Variants in HSPA12A observed in about 807,000 individuals in gnomAD.
HSPA12A encodes heat shock 70 kDa protein 12A.
A neutral mutation model predicts 69.2 loss-of-function variants in HSPA12A; 28 were observed. The ratio of observed to expected loss-of-function variants is 0.40; its 90% CI spans 0.30 to 0.55. HSPA12A has a LOEUF of 0.55. Among genes scored for constraint, HSPA12A ranks in the 20% least tolerant of loss-of-function variants. The pLI, the probability that HSPA12A is intolerant of heterozygous loss-of-function variation, is 0.38. For synonymous variants in HSPA12A, 345 were observed against 370.5 expected, an observed-to-expected ratio of 0.93 and a Z score of 0.79; for missense variants, 686 against 900.7, an observed-to-expected ratio of 0.76 and a Z score of 3.05.
chr10:116,675,125 G>A lies in HSPA12A; in HGVS notation c.1684C>T (p.Arg562Trp), dbSNP rs187495430. The A allele has an allele frequency of 1.6e-4, 264 of 1,613,968 alleles. No individual in the cohort carries two copies. The highest frequency in any genetic ancestry group is 5.0e-4 in the Admixed American group (30 of 60,026). Reference protein sequence around the residue: ...PEKLLVKDGTRWCTDVFDKFI... With the variant: ...PEKLLVKDGTWWCTDVFDKFI... ...TTGTCAAAGACGTCGGTGCACCACC[G>A]AGTGCCATCCTTCACCAGCAGCTTC... The change falls in exon 12 of 12, where the codon CGG becomes TGG. Residue 562 changes from arginine to tryptophan, a missense_variant. Coordinates refer to ENST00000369209, the MANE Select transcript of HSPA12A (RefSeq NM_025015.3). The surrounding 1 kb of genome is among the most constrained non-coding windows in gnomAD (Gnocchi z 5.2).
At chr10:116,782,731 G>A (rs1030459036) in intron 2 of HSPA12A, among the ~76,000 whole-genome samples, 8 of 152,174 alleles carry the variant, frequency 5.3e-5, no homozygotes, top group African/African-American at 1.9e-4. Flanking sequence ...ATGCTATTCA[G>A]GGTAGGGGCT....
intron 1 of HSPA12A, among the ~76,000 whole-genome samples, chr10:116,838,455 A>G (rs1476183596): frequency 1.3e-5 from 2 of 152,168 alleles, no homozygotes; most frequent in Non-Finnish European, 2.9e-5. Context: ...TGAAGTGGAG[A>G]AAAACAAGCC....
At chr10:116,705,040 A>G in intron 3 of HSPA12A, 111 bp downstream of exon 3, 2 of 1,343,186 alleles carry the variant, frequency 1.5e-6, no homozygotes, top group Non-Finnish European at 2.0e-6. Flanking sequence ...CCAAGCTGGA[A>G]CAGAATCCAG....
intron 6 of HSPA12A, 100 bp from the exon 7 acceptor site, chr10:116,684,062 GT>G: frequency 2.0e-6 from 2 of 982,432 alleles, no homozygotes; most frequent in Non-Finnish European, 2.9e-6. Context: ...GGGCGCACTC[GT>G]GCTCTGCATC....
chr10:116,797,654 A>T lies in HSPA12A; in HGVS notation c.91+37281T>A, dbSNP rs1313653187. 3.3e-5 allele frequency among the ~76,000 whole-genome samples: 5 copies of T among 152,202 alleles called. No homozygotes were observed. The East Asian group carries it at 9.7e-4, about 29-fold the overall frequency. ...GAAGAAACCAAAGAAGCTGTTTAGT[A>T]GATGAAGGGACAGAAGCCCCTGTTT... On this transcript the variant is annotated intron_variant, in intron 2 of 12. Coordinates refer to the HSPA12A transcript ENST00000635765.
At chr10:116,835,005 C>T (rs931630327) in exon 2 of HSPA12A, 14 of 1,231,236 alleles carry the variant, frequency 1.1e-5, no homozygotes, top group Non-Finnish European at 1.3e-5. Flanking sequence ...AGAATCCGTA[C>T]ACGCCAACAC....
intron 6 of HSPA12A, among the ~76,000 whole-genome samples, chr10:116,691,145 G>A (rs1487838000): frequency 6.6e-6 from 1 of 152,122 alleles, no homozygotes; most frequent in Non-Finnish European, 1.5e-5. Flanking sequence ...ATCTATTTTT[G>A]GCAGGTACAT....
At chr10:116,825,670 G>A (rs1347613365) in intron 2 of HSPA12A, among the ~76,000 whole-genome samples, 1 of 152,150 alleles carries the variant, frequency 6.6e-6, no homozygotes, top group Non-Finnish European at 1.5e-5. Flanking sequence ...GTGACCAAAA[G>A]CAACTAATGG....
chr10:116,689,499 G>A (rs782492382), intron 6 of HSPA12A, among the ~76,000 whole-genome samples: 7 of 152,058 alleles, frequency 4.6e-5, no homozygotes, highest in Admixed American at 3.3e-4. Context: ...TCACATACAT[G>A]GGTGCCTGGT....
At chr10:116,678,891 TGATA>T (rs1303696089) in intron 10 of HSPA12A, among the ~76,000 whole-genome samples, 5 of 152,338 alleles carry the variant, frequency 3.3e-5, no homozygotes, top group South Asian at 2.1e-4. Flanking sequence ...TTATGAAATA[TGATA>T]GATAGGTAAA....
chr10:116,848,142 C>T (rs1845930484), intron 1 of HSPA12A, among the ~76,000 whole-genome samples: 1 of 152,250 alleles, frequency 6.6e-6, no homozygotes, highest in African/African-American at 2.4e-5. Context: ...CAGAGCACAT[C>T]CTCTGCCCTT....
chr10:116,690,877 G>C (rs1489255416), intron 6 of HSPA12A, among the ~76,000 whole-genome samples: 5 of 152,106 alleles, frequency 3.3e-5, no homozygotes, highest in African/African-American at 1.2e-4. Context: ...CTTCCTGTGG[G>C]GCTGGGAAAA....
At chr10:116,696,001 T>TAAAAAAAAA (rs1849886972) in intron 5 of HSPA12A, among the ~76,000 whole-genome samples, 2 of 18,718 alleles carry the variant, frequency 1.1e-4, no homozygotes, top group Non-Finnish European at 1.8e-4. Context: ...AGACTCCATC[T>TAAAAAAAAA]CAAAAAAAAA....
chr10:116,757,036 G>A (rs113222481), intron 2 of HSPA12A, among the ~76,000 whole-genome samples: 3 of 152,256 alleles, frequency 2.0e-5, no homozygotes, highest in African/African-American at 7.2e-5. Flanking sequence ...TTATATTCAC[G>A]TTAAAGGCTA....
intron 2 of HSPA12A, among the ~76,000 whole-genome samples, chr10:116,828,528 T>A (rs1003421258): frequency 6.6e-6 from 1 of 152,218 alleles, no homozygotes; most frequent in African/African-American, 2.4e-5. Context: ...TGTTAAGATT[T>A]AAAACTGTAA....
At chr10:116,847,147 T>A (rs1280311299) in intron 1 of HSPA12A, among the ~76,000 whole-genome samples, 8 of 152,184 alleles carry the variant, frequency 5.3e-5, no homozygotes, top group Admixed American at 5.2e-4. Flanking sequence ...ATCGCCTCCA[T>A]CAAAACCAGA....
At chr10:116,688,080 C>T (rs957655836) in intron 6 of HSPA12A, among the ~76,000 whole-genome samples, 3 of 152,106 alleles carry the variant, frequency 2.0e-5, no homozygotes, top group Non-Finnish European at 4.4e-5. Flanking sequence ...CAATGTGGCC[C>T]ACGGAAGCCA....
chr10:116,689,860 T>C (rs1224105379), intron 6 of HSPA12A, among the ~76,000 whole-genome samples: 1 of 151,652 alleles, frequency 6.6e-6, no homozygotes, highest in African/African-American at 2.4e-5. Flanking sequence ...GAACTCCCGC[T>C]TACTCGGGAG....
intron 2 of HSPA12A, among the ~76,000 whole-genome samples, chr10:116,786,997 CACACACACACAT>C (rs898824747): frequency 1.4e-3 from 103 of 72,644 alleles, no homozygotes; most frequent in South Asian, 8.7e-3. Flanking sequence ...CACACACACA[CACACACACACAT>C]ACACACACGC....
Sources: gnomAD v4.1 joint callset for allele counts (sites outside exome capture counted in the v4.1 genomes callset) on GRCh38, gnomAD v4.1.1 for gene constraint, Gnocchi (gnomAD v3.1) non-coding constraint, MANE v1.5 for transcripts, NCBI Gene and HGNC (gene_info 2026-07-23, HGNC 2026-07-21) for gene names.